The following ZBTB40 variants were observed in gnomAD, a reference collection of about 807,000 sequenced individuals.
ZBTB40 encodes the protein zinc finger and BTB domain containing 40.
Under a neutral mutation model 117.5 loss-of-function variants are expected in ZBTB40, and 60 were observed. The ratio of observed to expected loss-of-function variants is 0.51; its 90% CI spans 0.41 to 0.63. The LOEUF is 0.63. Among genes scored for constraint, ZBTB40 ranks in the 30% least tolerant of loss-of-function variants. The pLI is 0.00. For synonymous variants in ZBTB40, 525 were observed against 577.1 expected, an observed-to-expected ratio of 0.91 and a Z score of 1.29; for missense variants, 1,287 against 1,498.5, an observed-to-expected ratio of 0.86 and a Z score of 2.33.
chr1:22,480,513 T>TGTC (rs1013900656), intron 1 of ZBTB40, among the ~76,000 whole-genome samples: 3 of 151,954 alleles, frequency 2.0e-5, no homozygotes, highest in Admixed American at 1.3e-4. Context: ...TTGTTGTTGT[T>TGTC]GTCGTTTTTT....
chr1:22,483,631 G>A (rs1000944618), intron 1 of ZBTB40, among the ~76,000 whole-genome samples: 2 of 152,052 alleles, frequency 1.3e-5, no homozygotes, highest in African/African-American at 4.8e-5. Flanking sequence ...TTTTAATTGG[G>A]TTGTTTTCTT....
chr1:22,499,271 A>G (rs1025925564), intron 3 of ZBTB40, among the ~76,000 whole-genome samples: 2 of 152,220 alleles, frequency 1.3e-5, no homozygotes, highest in Admixed American at 6.5e-5. Flanking sequence ...CATCTCACAG[A>G]GCAAGGGCAG....
intron 16 of ZBTB40, 37 bp downstream of exon 16, chr1:22,522,500 C>T (rs373334193): frequency 5.6e-6 from 9 of 1,602,628 alleles, no homozygotes; most frequent in South Asian, 4.4e-5. Flanking sequence ...AGGCTAGACT[C>T]GGGGCCTGAA....
chr1:22,503,609 A>ATG (rs1410514751), intron 5 of ZBTB40, among the ~76,000 whole-genome samples: 6 of 131,812 alleles, frequency 4.6e-5, no homozygotes, highest in Non-Finnish European at 1.0e-4. Context: ...ACATGTGCGC[A>ATG]CGCACACACA....
intron 1 of ZBTB40, among the ~76,000 whole-genome samples, chr1:22,468,635 C>A (rs1229384858): frequency 8.2e-6 from 1 of 121,336 alleles, no homozygotes; most frequent in Admixed American, 9.4e-5. Flanking sequence ...GCCACCATGC[C>A]TGGCTGGCTT....
At chr1:22,457,973 C>T (rs1047964471) in intron 1 of ZBTB40, among the ~76,000 whole-genome samples, 1 of 152,196 alleles carries the variant, frequency 6.6e-6, no homozygotes, top group Non-Finnish European at 1.5e-5. Context: ...CCACCTGGTA[C>T]TTCTCCCTGG....
upstream of ZBTB40, among the ~76,000 whole-genome samples, chr1:22,448,232 A>G (rs1640811186): frequency 6.6e-6 from 1 of 152,204 alleles, no homozygotes; most frequent in African/African-American, 2.4e-5. Flanking sequence ...AATTATGTCA[A>G]TCGATCTATC....
chr1:22,524,330 T>A lies in ZBTB40; in HGVS notation c.3411T>A (p.Cys1137Ter). The change falls in exon 17 of 18, where the codon TGT (cysteine) becomes TGA (stop). Residue 1137 changes from cysteine (C) to a stop codon, truncating the protein, a stop_gained. Transcript: ENST00000375647. LOFTEE classifies it high-confidence loss of function. ...AGCAGTCAGAGACCACCTTCCCCTGTGAGCTCTGTGGGGAACTCTTCACCT... is the reference window on the plus strand; with the variant it reads ...AGCAGTCAGAGACCACCTTCCCCTGAGAGCTCTGTGGGGAACTCTTCACCT... Reference protein sequence around the residue: ...HFKQSETTFPCELCGELFTSQ... With the variant: ...HFKQSETTFP 1 of 1,613,496 alleles carries A rather than the reference T, an allele frequency of 6.2e-7. No individual in the cohort carries two copies. Among genetic ancestry groups the A allele is most frequent in the Non-Finnish European group, 8.5e-7 (1 of 1,179,434 alleles).
Position 22,526,427 on chromosome 1 carries a change from G to A in ZBTB40, c.*31G>A, listed in dbSNP as rs376842232. The A allele has an allele frequency of 2.0e-5, 33 of 1,612,496 alleles. No homozygotes were observed. The highest frequency in any genetic ancestry group is 5.0e-5 in the Admixed American group (3 of 60,004). On this transcript the variant is annotated 3_prime_UTR_variant, in exon 18 of 18. Transcript: ENST00000375647. The stretch of plus-strand genomic sequence containing the variant: ...CTTTCATCCGGCAGAGCCTTCCTGC[G>A]TTTGCAGCAGAGAGGAGGCCCCACA...
rs1252275755 is a variant in ZBTB40, at chr1:22,508,635, C to G, written c.1603C>G (p.Leu535Val). Reference protein sequence around the residue: ...QTLSATAIWQLLLVVQETKTC... With the variant: ...QTLSATAIWQVLLVVQETKTC... ...TCTCTCTGCCACAGCCATTTGGCAA[C>G]TGCTGCTGGTGGTTCAGGAGACAAA... Residue 535 changes from leucine (L) to valine (V), a missense_variant, in exon 8 of 18, where the codon CTG (leucine) becomes GTG (valine). This residue lies in a region of ZBTB40 where 870 missense variants were observed against 934.4 expected (regional missense o/e 0.93). Transcript: ENST00000375647. 2.5e-6 allele frequency: 4 copies of G among 1,614,086 alleles called. No homozygotes were observed. In the African/African-American group the frequency reaches 5.3e-5, roughly 22 times the overall value.
In ZBTB40 at chr1:22,507,998, C is replaced by T. The variant is rs1385580118; in HGVS notation, c.1361-3C>T. On this transcript the variant is annotated splice_region_variant and splice_polypyrimidine_tract_variant and intron_variant, in intron 6 of 17. Transcript: ENST00000375647. ...CATTATTGTTTTGCTAATATCCTTA[C>T]AGTCCAACCAAGCCCTGATGATTAT... 2 of 1,614,170 alleles carry T rather than the reference C, an allele frequency of 1.2e-6. No homozygotes were observed. The highest frequency in any genetic ancestry group is 2.2e-5 in the South Asian group (2 of 91,084).
At chr1:22,519,172 T>A (rs1446126838) in intron 13 of ZBTB40, among the ~76,000 whole-genome samples, 3 of 152,276 alleles carry the variant, frequency 2.0e-5, no homozygotes, top group Non-Finnish European at 2.9e-5. Flanking sequence ...TTAATCTGAA[T>A]CAATGCACAT....
At chr1:22,458,205 A>G (rs1641046988) in intron 1 of ZBTB40, among the ~76,000 whole-genome samples, 1 of 152,134 alleles carries the variant, frequency 6.6e-6, no homozygotes, top group South Asian at 2.1e-4. Flanking sequence ...TCTCCAATCT[A>G]TTTGGTACAC....
At chr1:22,521,332 C>T (rs1340857675) in intron 14 of ZBTB40, among the ~76,000 whole-genome samples, 164 bp from the exon 15 acceptor site, 1 of 152,214 alleles carries the variant, frequency 6.6e-6, no homozygotes. Context: ...TTCTCACAAA[C>T]ACCAGGCTTT....
intron 10 of ZBTB40, 148 bp from the exon 11 acceptor site, chr1:22,511,528 G>T (rs1011875700): frequency 3.2e-6 from 4 of 1,236,640 alleles, no homozygotes; most frequent in Non-Finnish European, 3.4e-6. Context: ...GTGTTTATTG[G>T]AAAGTAAGGA....
At chr1:22,452,099 C>T (rs568833578) in intron 1 of ZBTB40, 95 bp downstream of exon 1, 1 of 152,414 alleles carries the variant, frequency 6.6e-6, no homozygotes, top group Admixed American at 6.5e-5. Context: ...ACAGACCCTT[C>T]CGCGTGGCGA....
At chr1:22,499,248 A>G (rs1343620686) in intron 3 of ZBTB40, among the ~76,000 whole-genome samples, 1 of 152,234 alleles carries the variant, frequency 6.6e-6, no homozygotes, top group Non-Finnish European at 1.5e-5. Context: ...GCAGCTCACA[A>G]CATGGCAGCT....
At chr1:22,451,182 C>A (rs567274865), upstream of ZBTB40, among the ~76,000 whole-genome samples, 1 of 152,346 alleles carries the variant, frequency 6.6e-6, no homozygotes, top group South Asian at 2.1e-4. Flanking sequence ...CCCACTGCGC[C>A]CCACCAGCGC....
At chr1:22,498,735 C>T (rs930416253) in intron 3 of ZBTB40, among the ~76,000 whole-genome samples, 1 of 149,054 alleles carries the variant, frequency 6.7e-6, no homozygotes, top group Non-Finnish European at 1.5e-5. Context: ...TAATGCCAGA[C>T]AAATTGGATA....
Sources: allele counts gnomAD v4.1 joint callset (sites outside exome capture counted in the v4.1 genomes callset), GRCh38; gene constraint gnomAD v4.1.1; regional missense constraint gnomAD v4.1.1; transcripts MANE v1.5; gene names NCBI Gene and HGNC (gene_info 2026-07-23, HGNC 2026-07-21).